NHERF1: variants seen among roughly 807,000 people sequenced by gnomAD.
NHERF1 encodes the protein NHERF family PDZ scaffold protein 1.
the NHERF1 span, chr17:74,763,642 C>T: frequency 6.8e-3 from 6,503 of 950,108 alleles, 76 homozygotes; most frequent in Middle Eastern, 0.018. Context: ...ATGGGTGCTC[C>T]CTCCTCCTCC....
the NHERF1 span, chr17:74,763,203 C>A: frequency 3.2e-6 from 2 of 622,042 alleles, no homozygotes; most frequent in South Asian, 4.2e-5. Context: ...GACCCCCAGC[C>A]TAGTTCAGGA....
chr17:74,749,576 A>G, the NHERF1 span, among the ~76,000 whole-genome samples: 9 of 152,158 alleles, frequency 5.9e-5, no homozygotes, highest in African/African-American at 2.2e-4. This position sits in a 1 kb window ranked among gnomAD's most constrained non-coding sequence, Gnocchi z 5.6. Context: ...AGGGGAACCC[A>G]GCCCCCTTCC....
At chr17:74,752,741 G>A in the NHERF1 span, among the ~76,000 whole-genome samples, 11 of 152,206 alleles carry the variant, frequency 7.2e-5, no homozygotes, top group African/African-American at 2.7e-4. Context: ...TGATCTGCCA[G>A]CCTCGGCCTC....
At chr17:74,768,175 C>G in the NHERF1 span, 1 of 1,613,134 alleles carries the variant, frequency 6.2e-7, no homozygotes, top group African/African-American at 1.3e-5. Context: ...CTGGCAGAGG[C>G]AGCCTTGGAG....
chr17:74,749,999 G>A, the NHERF1 span, among the ~76,000 whole-genome samples: 1 of 152,236 alleles, frequency 6.6e-6, no homozygotes, highest in Non-Finnish European at 1.5e-5. The surrounding 1 kb of genome is among the most constrained non-coding windows in gnomAD (Gnocchi z 5.6). Flanking sequence ...GGAATGTGAA[G>A]AGTAAGCGCC....
At chr17:74,766,503 C>T in the NHERF1 span, among the ~76,000 whole-genome samples, 4 of 151,934 alleles carry the variant, frequency 2.6e-5, no homozygotes, top group Admixed American at 2.0e-4. Flanking sequence ...ATGCCTGGCC[C>T]AGACATTTTT....
At chr17:74,762,040 T>C in the NHERF1 span, 1 of 1,614,090 alleles carries the variant, frequency 6.2e-7, no homozygotes, top group Non-Finnish European at 8.5e-7. This position sits in a 1 kb window ranked among gnomAD's most constrained non-coding sequence, Gnocchi z 4.2. Context: ...CTCTGTACCA[T>C]GAAGAAGGGC....
At chr17:74,764,574 C>T in the NHERF1 span, among the ~76,000 whole-genome samples, 1 of 152,196 alleles carries the variant, frequency 6.6e-6, no homozygotes, top group Non-Finnish European at 1.5e-5. The surrounding 1 kb of genome is among the most constrained non-coding windows in gnomAD (Gnocchi z 4.9). Flanking sequence ...ACGAGGAAGA[C>T]ACAGCTGGAA....
At chr17:74,748,876 C>G in the NHERF1 span, 13 of 1,596,600 alleles carry the variant, frequency 8.1e-6, no homozygotes, top group East Asian at 2.9e-4. This position sits in a 1 kb window ranked among gnomAD's most constrained non-coding sequence, Gnocchi z 4.3. Flanking sequence ...CCGGGGCGCC[C>G]CTGCCCCGGC....
At chr17:74,767,553 C>A in the NHERF1 span, among the ~76,000 whole-genome samples, 2 of 152,224 alleles carry the variant, frequency 1.3e-5, no homozygotes, top group East Asian at 1.9e-4. Context: ...TTAAAGGTTC[C>A]CCTTCCCTAG....
the NHERF1 span, among the ~76,000 whole-genome samples, chr17:74,755,543 C>T: frequency 1.3e-5 from 2 of 152,196 alleles, no homozygotes; most frequent in African/African-American, 4.8e-5. Flanking sequence ...CAGGTCACCT[C>T]GGGGTGGTGT....
chr17:74,768,311 C>T, the NHERF1 span: 9 of 1,392,602 alleles, frequency 6.5e-6, no homozygotes, highest in African/African-American at 1.3e-4. Flanking sequence ...TCCTGGCACA[C>T]CAGCCTGCCT....
At chr17:74,768,998 A>C in the NHERF1 span, 30 of 366,176 alleles carry the variant, frequency 8.2e-5, no homozygotes, top group Non-Finnish European at 1.2e-4. Context: ...TTCCTCCCCC[A>C]TGTGATAAAT....
the NHERF1 span, chr17:74,768,739 A>C: frequency 2.4e-6 from 3 of 1,241,650 alleles, no homozygotes; most frequent in South Asian, 3.7e-5. Context: ...TACTCCCCTG[A>C]ATCAATGTAC....
the NHERF1 span, among the ~76,000 whole-genome samples, chr17:74,755,652 C>T: frequency 6.6e-6 from 1 of 152,152 alleles, no homozygotes; most frequent in Non-Finnish European, 1.5e-5. Context: ...TCTCCCTGTG[C>T]TAAGGTCAGG....
At chr17:74,754,729 T>C in the NHERF1 span, among the ~76,000 whole-genome samples, 2 of 152,310 alleles carry the variant, frequency 1.3e-5, no homozygotes, top group South Asian at 4.1e-4. Context: ...TCCACCTGCC[T>C]CGGTCTCCCA....
At chr17:74,753,792 G>A in the NHERF1 span, among the ~76,000 whole-genome samples, 2 of 152,004 alleles carry the variant, frequency 1.3e-5, no homozygotes, top group African/African-American at 4.8e-5. Context: ...GTCTAGATGG[G>A]GTCCTTCTCC....
the NHERF1 span, among the ~76,000 whole-genome samples, chr17:74,759,614 C>T: frequency 2.0e-5 from 3 of 152,244 alleles, no homozygotes; most frequent in Admixed American, 6.5e-5. Context: ...AGGCCCTGAG[C>T]GCCCGGAAGG....
At chr17:74,766,363 A>C in the NHERF1 span, among the ~76,000 whole-genome samples, 1 of 151,060 alleles carries the variant, frequency 6.6e-6, no homozygotes, top group Non-Finnish European at 1.5e-5. Flanking sequence ...TGCCCAGCTA[A>C]TTTTCTTTTT....
Sources: gnomAD v4.1 joint callset for allele counts (sites outside exome capture counted in the v4.1 genomes callset) on GRCh38, gnomAD v4.1.1 for gene constraint, Gnocchi (gnomAD v3.1) non-coding constraint, MANE v1.5 for transcripts, NCBI Gene and HGNC (gene_info 2026-07-23, HGNC 2026-07-21) for gene names.